Variants in PPFIBP2 observed in about 807,000 individuals in gnomAD.
PPFIBP2 encodes PPFIB scaffold protein 2, also known as liprin-beta-2.
Under a neutral mutation model 118.3 loss-of-function variants are expected in PPFIBP2, and 118 were observed. The ratio of observed to expected loss-of-function variants is 1.00; its 90% CI spans 0.86 to 1.16. PPFIBP2 has a LOEUF of 1.16. Ranked by LOEUF, PPFIBP2 falls within the 50% of genes most tolerant of loss-of-function variation. The probability of loss-of-function intolerance (pLI) is 0.00; values close to 1 mark genes in which losing one functional copy is unlikely to be tolerated. For synonymous variants in PPFIBP2, 414 were observed against 397.4 expected, an observed-to-expected ratio of 1.04 and a Z score of -0.50; for missense variants, 1,195 against 1,073.1, an observed-to-expected ratio of 1.11 and a Z score of -1.59.
chr11:7,639,701 G>C, intron 14 of PPFIBP2, 31 bp from the exon 15 acceptor site: 2 of 1,613,548 alleles, frequency 1.2e-6, no homozygotes, highest in Non-Finnish European at 1.7e-6. Context: ...AGTTAAGTCG[G>C]TATCTCTCTC....
In PPFIBP2 at chr11:7,616,248, C is replaced by A. The variant is rs759574045; in HGVS notation, c.619-4687C>A. Among the ~76,000 whole-genome samples the A allele has an allele frequency of 1.4e-4, 22 of 152,260 alleles. No individual in the cohort carries two copies. Among genetic ancestry groups the A allele is most frequent in the Non-Finnish European group, 2.5e-4 (17 of 68,014 alleles). On this transcript the variant is annotated intron_variant, in intron 6 of 23. Coordinates refer to ENST00000299492, the MANE Select transcript of PPFIBP2 (RefSeq NM_003621.5). The surrounding 1 kb of genome is among the most constrained non-coding windows in gnomAD (Gnocchi z 5.2). ...GATACAAAAAATTTAGGACAATAGT[C>A]CCCCAAAGTGCTTGCTATAAGTTAA...
intron 6 of PPFIBP2, among the ~76,000 whole-genome samples, chr11:7,619,489 G>C (rs979320868): frequency 4.6e-5 from 7 of 152,204 alleles, no homozygotes; most frequent in African/African-American, 1.2e-4. Flanking sequence ...GCTTTGAGAA[G>C]CATGGGAGTG....
At chr11:7,639,678 A>G in intron 14 of PPFIBP2, 54 bp from the exon 15 acceptor site, 2 of 1,610,988 alleles carry the variant, frequency 1.2e-6, no homozygotes, top group Admixed American at 1.7e-5. Context: ...AGGATTTCCT[A>G]ACTGAGGCTG....
intron 3 of PPFIBP2, among the ~76,000 whole-genome samples, chr11:7,588,680 T>C (rs930351306): frequency 1.3e-5 from 2 of 152,232 alleles, no homozygotes; most frequent in Non-Finnish European, 2.9e-5. Flanking sequence ...TATATTTGCC[T>C]CCGCGAGGTC....
chr11:7,648,412 T>A lies in PPFIBP2; in HGVS notation c.1672T>A (p.Trp558Arg), dbSNP rs777511256. The A allele has an allele frequency of 1.2e-6, 2 of 1,614,132 alleles. No homozygotes were observed. The highest frequency in any genetic ancestry group is 1.7e-6 in the Non-Finnish European group (2 of 1,180,014). Residue 558 changes from tryptophan (W) to arginine (R), a missense_variant, in exon 18 of 24, where the codon TGG becomes AGG. Physicochemically the swap from Trp to Arg is moderately radical, Grantham distance 101. Coordinates refer to ENST00000299492, the MANE Select transcript of PPFIBP2 (RefSeq NM_003621.5). The part of the protein sequence containing the change: ...KSDANAPFAQ[W>R]STERVCAWLE... Reference sequence around the variant, plus strand: ...TGACGCCAATGCCCCCTTTGCCCAGTGGAGCACAGAGCGTGTGTGTGCATG... The same window carrying A: ...TGACGCCAATGCCCCCTTTGCCCAGAGGAGCACAGAGCGTGTGTGTGCATG...
At chr11:7,663,534 A>G in the PPFIBP2 span, among the ~76,000 whole-genome samples, 14 of 152,300 alleles carry the variant, frequency 9.2e-5, no homozygotes, top group South Asian at 1.0e-3. Flanking sequence ...AGCTGGGAGA[A>G]CCACTGCTCT....
At chr11:7,664,965 CA>C in the PPFIBP2 span, 2 of 160,472 alleles carry the variant, frequency 1.2e-5, no homozygotes, top group African/African-American at 4.8e-5. Context: ...GATGTGACCC[CA>C]CTTGGAGTTT....
At chr11:7,561,610 AT>A (rs1854307042) in intron 2 of PPFIBP2, among the ~76,000 whole-genome samples, 2 of 151,924 alleles carry the variant, frequency 1.3e-5, no homozygotes, top group East Asian at 1.9e-4. Context: ...TAAAGATCTT[AT>A]TTTTTTCTGT....
intron 3 of PPFIBP2, among the ~76,000 whole-genome samples, chr11:7,571,223 C>G (rs1051333926): frequency 1.3e-5 from 2 of 152,164 alleles, no homozygotes; most frequent in African/African-American, 4.8e-5. Flanking sequence ...TCCCAAGAAA[C>G]AAAGAAACCC....
downstream of PPFIBP2, chr11:7,657,190 C>G (rs1026020622): frequency 4.7e-6 from 1 of 214,250 alleles, no homozygotes; most frequent in Admixed American, 5.2e-5. Flanking sequence ...AAAAAAAGTT[C>G]CGAAAAACTG....
intron 2 of PPFIBP2, among the ~76,000 whole-genome samples, chr11:7,564,676 G>A (rs1349427930): frequency 6.6e-6 from 1 of 152,190 alleles, no homozygotes; most frequent in African/African-American, 2.4e-5. Flanking sequence ...GGTGTCAGTC[G>A]GGGTGGCTCA....
At chr11:7,650,466 C>A (rs1359128504) in intron 21 of PPFIBP2, among the ~76,000 whole-genome samples, 1 of 152,196 alleles carries the variant, frequency 6.6e-6, no homozygotes, top group Non-Finnish European at 1.5e-5. Flanking sequence ...TTGGCCACAC[C>A]AGGGAGATCT....
the PPFIBP2 span, chr11:7,665,599 G>A: frequency 0.017 from 26,037 of 1,534,820 alleles, 1,744 homozygotes; most frequent in African/African-American, 0.2. Context: ...TGGAGTTCCT[G>A]ATCCCAGGCC....
chr11:7,531,511 G>A (rs912368828), intron 1 of PPFIBP2, among the ~76,000 whole-genome samples: 5 of 152,212 alleles, frequency 3.3e-5, no homozygotes, highest in Admixed American at 3.3e-4. Context: ...TGGGAACTGT[G>A]CTTACCTTGA....
At chr11:7,655,728 C>T (rs11041508), downstream of PPFIBP2, among the ~76,000 whole-genome samples, 1 of 151,562 alleles carries the variant, frequency 6.6e-6, no homozygotes, top group African/African-American at 2.4e-5. Flanking sequence ...GGAGGCTCAT[C>T]GGCTGTTAGC....
intron 5 of PPFIBP2, 154 bp downstream of exon 5, chr11:7,597,827 T>A: frequency 1.6e-6 from 1 of 626,560 alleles, no homozygotes; most frequent in Non-Finnish European, 2.8e-6. Context: ...ATACAGCAGG[T>A]GAAACCAACC....
rs568903051 is a variant in PPFIBP2, at chr11:7,626,047, A to G, written c.826+156A>G. On this transcript the variant is annotated intron_variant, in intron 8 of 23. Transcript: ENST00000299492. ...TATGTGTGCAAGCGTGGCCAAGTGAATGGATGCACCAGTTTGTGTGTTTGT... is the reference window on the plus strand; with the variant it reads ...TATGTGTGCAAGCGTGGCCAAGTGAGTGGATGCACCAGTTTGTGTGTTTGT... Among the ~76,000 whole-genome samples, 4 of 152,326 alleles carry G rather than the reference A, an allele frequency of 2.6e-5. No individual in the cohort carries two copies. In the East Asian group the frequency reaches 5.8e-4, roughly 22 times the overall value.
At chr11:7,606,897 T>A (rs1847420315) in intron 5 of PPFIBP2, among the ~76,000 whole-genome samples, 1 of 74,130 alleles carries the variant, frequency 1.3e-5, no homozygotes, top group Non-Finnish European at 2.6e-5. Flanking sequence ...TTTTTTTTTT[T>A]TTTTTTTTTT....
intron 5 of PPFIBP2, among the ~76,000 whole-genome samples, chr11:7,609,149 C>G (rs1291988157): frequency 6.6e-6 from 1 of 152,236 alleles, no homozygotes; most frequent in African/African-American, 2.4e-5. Context: ...TCAAAAATTT[C>G]TGTCCCGTGT....
Sources: allele counts gnomAD v4.1 joint callset (sites outside exome capture counted in the v4.1 genomes callset), GRCh38; gene constraint gnomAD v4.1.1; non-coding constraint Gnocchi (gnomAD v3.1); transcripts MANE v1.5; gene names NCBI Gene and HGNC (gene_info 2026-07-23, HGNC 2026-07-21).